Variants in AKAP9 observed in about 807,000 individuals in gnomAD.
AKAP9 encodes the protein A-kinase anchoring protein 9, also known as A-kinase anchor protein 9.
AKAP9 carries 311 observed loss-of-function variants against 488.5 expected under a neutral mutation model. That is an observed-to-expected ratio of 0.64 (90% CI 0.58 to 0.70). The LOEUF (loss-of-function observed/expected upper bound fraction) is 0.70. Ranked by LOEUF, AKAP9 falls within the 30% of genes least tolerant of loss-of-function variation. The pLI is 0.00. For synonymous variants in AKAP9, 1,462 were observed against 1,483.5 expected (o/e 0.99, Z 0.33); for missense variants, 4,215 against 4,374.5 (o/e 0.96, Z 1.03).
Position 92,076,930 on chromosome 7 carries a change from C to T in AKAP9, c.6688C>T (p.His2230Tyr). 1 of 1,554,820 alleles carries T rather than the reference C, an allele frequency of 6.4e-7. No homozygotes were observed. The highest frequency in any genetic ancestry group is 1.4e-5 in the African/African-American group (1 of 73,326). ...ENKNEEVQQL[H>Y]MQLEIQKKES... is the part of the protein sequence containing the mutation. ...TAAGAATGAAGAAGTTCAACAATTA[C>T]ATATGCAATTAGAAATACAGAAAAA... Residue 2230 changes from histidine (H) to tyrosine (Y), a missense_variant, in exon 29 of 50, where the codon CAT becomes TAT. Physicochemically the swap from His to Tyr is moderately conservative, Grantham distance 83. This residue lies in a region of AKAP9 where 51 missense variants were observed against 87.3 expected (regional missense o/e 0.58). Coordinates refer to ENST00000356239, the MANE Select transcript of AKAP9 (RefSeq NM_005751.5).
At chr7:91,941,265 C>A in intron 1 of AKAP9, 118 bp downstream of exon 1, 1 of 987,768 alleles carries the variant, frequency 1.0e-6, no homozygotes. Flanking sequence ...GAGGGAGGTG[C>A]TGCAGGGTCT....
chr7:92,081,064 A>T (rs1262852331), intron 31 of AKAP9, among the ~76,000 whole-genome samples: 1 of 152,168 alleles, frequency 6.6e-6, no homozygotes, highest in Admixed American at 6.5e-5. Context: ...CATTAACATC[A>T]TCATTAAATG....
rs775319948 is a variant in AKAP9 at position 92,001,957 on chromosome 7, C to T, written c.2040C>T (p.Thr680=). The part of the protein sequence containing the change: ...LQNEMSQKIE[T]MQFEKDNLIT... ...ATGAAATGAGTCAAAAGATAGAAAC[C>T]ATGCAGTTTGAAAAGGACAATTTGA... Residue 680 remains threonine, a synonymous_variant, in exon 8 of 50, where the codon ACC becomes ACT. Transcript: ENST00000356239. 1 of 1,612,856 alleles carries T rather than the reference C, an allele frequency of 6.2e-7. No homozygotes were observed. Among genetic ancestry groups the T allele is most frequent in the South Asian group, 1.1e-5 (1 of 90,882 alleles).
At chr7:92,099,912 T>C in intron 44 of AKAP9, 43 bp downstream of exon 44, 1 of 1,577,744 alleles carries the variant, frequency 6.3e-7, no homozygotes, top group Non-Finnish European at 8.7e-7. Flanking sequence ...AATTAGTGCA[T>C]GCTTATCATT....
rs1224307402 is a variant in AKAP9 at position 92,089,502 on chromosome 7, G to A, written c.9331G>A (p.Glu3111Lys). 6.2e-7 allele frequency: 1 copy of A among 1,613,460 alleles called. No individual in the cohort carries two copies. The highest frequency in any genetic ancestry group is 8.5e-7 in the Non-Finnish European group (1 of 1,179,666). The change falls in exon 38 of 50, where the codon GAA (glutamate) becomes AAA (lysine). Residue 3111 changes from glutamate to lysine, a missense_variant. Physicochemically the swap from Glu to Lys is moderately conservative, Grantham distance 56. Coordinates refer to ENST00000356239, the MANE Select transcript of AKAP9 (RefSeq NM_005751.5). ...MNGRKITLKR[E>K]QESEKPSQEL... ...TGGTAGGAAAATTACTCTGAAAAGA[G>A]AACAAGAGAGTGAGAAACCAAGCCA... is the stretch of plus-strand genomic sequence containing the variant.
intron 6 of AKAP9, 61 bp from the exon 7 acceptor site, chr7:91,995,542 G>C: frequency 6.7e-7 from 1 of 1,494,916 alleles, no homozygotes; most frequent in Non-Finnish European, 9.3e-7. Flanking sequence ...CCCCAAAGGT[G>C]TCTGTTCCCT....
rs77378027 is a variant in AKAP9 at position 92,095,439 on chromosome 7, G to A, written c.9729+266G>A. 0.057 allele frequency among the ~76,000 whole-genome samples: 8,705 copies of A among 152,176 alleles called. 328 individuals are homozygous for A. Among genetic ancestry groups the A allele is most frequent in the Non-Finnish European group, 0.085 (5,779 of 67,998 alleles). On this transcript the variant is annotated intron_variant, in intron 40 of 49. Coordinates refer to ENST00000356239, the MANE Select transcript of AKAP9 (RefSeq NM_005751.5). ...GCAACATGTTTTGGGCATGTGAATTGGTACACACAGATAAATATGGCAATC... is the reference window on the plus strand; with the variant it reads ...GCAACATGTTTTGGGCATGTGAATTAGTACACACAGATAAATATGGCAATC...
intron 7 of AKAP9, among the ~76,000 whole-genome samples, chr7:92,000,350 G>A (rs1798999655): frequency 1.3e-5 from 2 of 152,156 alleles, no homozygotes; most frequent in South Asian, 4.1e-4. Flanking sequence ...CAGACCGTTA[G>A]GAGTCTGTTT....
chr7:91,979,000 A>G (rs1340716343), intron 2 of AKAP9, among the ~76,000 whole-genome samples: 1 of 144,896 alleles, frequency 6.9e-6, no homozygotes, highest in African/African-American at 2.6e-5. Flanking sequence ...CAGGTCTCGA[A>G]CTCCTGACCT....
At chr7:92,103,467 C>T (rs963863837) in intron 46 of AKAP9, among the ~76,000 whole-genome samples, 2 of 149,066 alleles carry the variant, frequency 1.3e-5, no homozygotes, top group Admixed American at 6.7e-5. Context: ...AGGCTGAGGC[C>T]GGCAGATCGT....
intron 37 of AKAP9, among the ~76,000 whole-genome samples, chr7:92,087,930 C>G (rs1408638897): frequency 6.6e-6 from 1 of 151,426 alleles, no homozygotes; most frequent in East Asian, 1.9e-4. Context: ...GGAATGACAG[C>G]TAGTAAATGT....
chr7:91,984,368 G>A (rs574496473), intron 3 of AKAP9, among the ~76,000 whole-genome samples: 37 of 152,152 alleles, frequency 2.4e-4, no homozygotes, highest in African/African-American at 7.2e-4. Flanking sequence ...TTTTCCCAGC[G>A]CCATGTATTA....
Position 92,079,762 on chromosome 7 carries a change from A to T in AKAP9, c.7629A>T (p.Leu2543=). ...TEMLQKKIVN[L]QKIVEEKVAA... ...TGCTTCAAAAGAAGATTGTAAACCTACAGAAAATAGTTGAAGAAAAAGTGG... is the reference window on the plus strand; with the variant it reads ...TGCTTCAAAAGAAGATTGTAAACCTTCAGAAAATAGTTGAAGAAAAAGTGG... The change falls in exon 31 of 50, where the codon CTA becomes CTT. Residue 2543 remains leucine, a synonymous_variant. Coordinates refer to ENST00000356239, the MANE Select transcript of AKAP9 (RefSeq NM_005751.5). 2.5e-6 allele frequency: 4 copies of T among 1,614,120 alleles called. No individual in the cohort carries two copies. The highest frequency in any genetic ancestry group is 3.4e-6 in the Non-Finnish European group (4 of 1,179,992).
At chr7:91,962,532 G>A (rs983578980) in intron 1 of AKAP9, among the ~76,000 whole-genome samples, 5 of 152,058 alleles carry the variant, frequency 3.3e-5, no homozygotes, top group African/African-American at 1.2e-4. Flanking sequence ...TGACTTTTCT[G>A]TAAAAGATAA....
chr7:91,951,693 ATATAT>A, intron 1 of AKAP9, among the ~76,000 whole-genome samples: 1 of 152,270 alleles, frequency 6.6e-6, no homozygotes, highest in East Asian at 1.9e-4. Flanking sequence ...ATACCTATTA[ATATAT>A]TCAGAAAGCA....
At chr7:91,961,399 A>G (rs1004872637) in intron 1 of AKAP9, among the ~76,000 whole-genome samples, 4 of 151,560 alleles carry the variant, frequency 2.6e-5, no homozygotes, top group African/African-American at 7.3e-5. Flanking sequence ...GCTGGTCTCT[A>G]TCTCCTGACC....
In AKAP9 at chr7:92,000,853, A is replaced by G; in HGVS notation, c.936A>G (p.Gln312=). The change falls in exon 8 of 50, where the codon CAA becomes CAG. Residue 312 remains glutamine, a synonymous_variant. Coordinates refer to ENST00000356239, the MANE Select transcript of AKAP9 (RefSeq NM_005751.5). ...TTTCATTTTTTTTCCTAAAGGAACA[A>G]GATAAAAAAGTAGAAAACTCAAATA... is the stretch of plus-strand genomic sequence containing the variant. ...QEKIKVYEME[Q]DKKVENSNKE... 1.4e-6 allele frequency: 2 copies of G among 1,385,036 alleles called. No individual in the cohort carries two copies. The highest frequency in any genetic ancestry group is 1.9e-6 in the Non-Finnish European group (2 of 1,028,826). The allele number at this position is 1,385,036 out of a possible 1,614,324, so 85.8% of individuals were successfully genotyped here.
intron 1 of AKAP9, among the ~76,000 whole-genome samples, chr7:91,969,520 T>A (rs1283191688): frequency 1.3e-5 from 2 of 152,226 alleles, no homozygotes; most frequent in Non-Finnish European, 2.9e-5. Flanking sequence ...AAGTTCCCTA[T>A]ATTACTGTAT....
chr7:92,064,421 T>C (rs964498464), intron 24 of AKAP9, among the ~76,000 whole-genome samples: 3 of 152,158 alleles, frequency 2.0e-5, no homozygotes, highest in Non-Finnish European at 4.4e-5. Context: ...AGCTAACACA[T>C]AGTGCTTACC....
Sources: allele counts gnomAD v4.1 joint callset (sites outside exome capture counted in the v4.1 genomes callset), GRCh38; gene constraint gnomAD v4.1.1; regional missense constraint gnomAD v4.1.1; transcripts MANE v1.5; gene names NCBI Gene and HGNC (gene_info 2026-07-23, HGNC 2026-07-21).